The following HMGA2 variants were observed in gnomAD, a reference collection of about 807,000 sequenced individuals.
HMGA2 encodes high mobility group AT-hook 2.
Under a neutral mutation model 19.1 loss-of-function variants are expected in HMGA2, and 8 were observed. The observed-to-expected ratio is 0.42, with a 90% CI of 0.25 to 0.76. The LOEUF (loss-of-function observed/expected upper bound fraction) is 0.76, where lower values mean the gene tolerates loss of function less well. Among genes scored for constraint, HMGA2 ranks in the 30% least tolerant of loss-of-function variants. The pLI, the probability that HMGA2 is intolerant of heterozygous loss-of-function variation, is 0.28. For synonymous variants in HMGA2, 60 were observed against 48.8 expected (o/e 1.23, Z -0.96); for missense variants, 109 against 136.3 (o/e 0.80, Z 1.00).
intron 3 of HMGA2, chr12:65,914,644 T>TA (rs541291610): frequency 9.7e-4 from 274 of 282,354 alleles, no homozygotes; most frequent in Admixed American, 1.8e-3. Context: ...AAAGTATAAT[T>TA]AAAAAAAAAT....
intron 3 of HMGA2, among the ~76,000 whole-genome samples, chr12:65,890,643 A>G (rs1424472060): frequency 6.6e-6 from 1 of 152,122 alleles, no homozygotes; most frequent in African/African-American, 2.4e-5. Context: ...CAGCTTTCAG[A>G]TAGACCTGAA....
chr12:65,938,916 A>T (rs1379856211), intron 3 of HMGA2, among the ~76,000 whole-genome samples: 1 of 151,916 alleles, frequency 6.6e-6, no homozygotes, highest in African/African-American at 2.4e-5. Flanking sequence ...CTCTCACCTC[A>T]TCCTCCCAAG....
In HMGA2 at chr12:65,964,341, T is replaced by C. The variant is rs7312910; in HGVS notation, c.*1049T>C. 2.9e-5 allele frequency: 4 copies of C among 139,450 alleles called. No individual in the cohort carries two copies. Among genetic ancestry groups the C allele is most frequent in the East Asian group, 6.9e-4 (1 of 1,458 alleles). 8.6% of individuals were successfully genotyped at this position (139,450 alleles called of 1,614,324 possible). On this transcript the variant is annotated 3_prime_UTR_variant, in exon 5 of 5. Coordinates refer to ENST00000403681, the MANE Select transcript of HMGA2 (RefSeq NM_003483.6). ...TCTCTGTGTCTTTCTCTCTCTCTCT[T>C]CCTCTCCCTCTCTCTTTTCATTGTG...
intron 4 of HMGA2, chr12:65,955,421 A>T (rs988620637): frequency 2.6e-5 from 4 of 152,148 alleles, no homozygotes; most frequent in East Asian, 3.9e-4. Flanking sequence ...TGTCTAAAAA[A>T]GTTTCGCTAG....
At chr12:65,872,845 A>T (rs749808803) in intron 3 of HMGA2, among the ~76,000 whole-genome samples, 7 of 152,178 alleles carry the variant, frequency 4.6e-5, no homozygotes, top group Non-Finnish European at 5.9e-5. Context: ...AGGAAGTCTG[A>T]ACTTCTTATG....
chr12:65,830,024 TC>T (rs1870408411), intron 2 of HMGA2, among the ~76,000 whole-genome samples: 1 of 152,012 alleles, frequency 6.6e-6, no homozygotes, highest in Non-Finnish European at 1.5e-5. Flanking sequence ...TTCTAAAGAT[TC>T]CTTCTCCAGA....
intron 3 of HMGA2, among the ~76,000 whole-genome samples, chr12:65,848,530 C>A (rs1396024993): frequency 6.6e-6 from 1 of 152,182 alleles, no homozygotes; most frequent in Non-Finnish European, 1.5e-5. Context: ...GTAAGTACTT[C>A]AGTTAGAATA....
intron 3 of HMGA2, among the ~76,000 whole-genome samples, chr12:65,839,649 G>T (rs1217861652): frequency 2.6e-5 from 4 of 152,062 alleles, no homozygotes; most frequent in African/African-American, 9.7e-5. Flanking sequence ...ATAAGGAAAT[G>T]GGATGATCTT....
At chr12:65,851,252 G>A (rs1405738953) in intron 3 of HMGA2, 1 of 154,392 alleles carries the variant, frequency 6.5e-6, no homozygotes, top group Non-Finnish European at 1.4e-5. Flanking sequence ...AGTGGCTCAG[G>A]CCTGTAATTC....
intron 3 of HMGA2, among the ~76,000 whole-genome samples, chr12:65,872,565 A>G (rs1872763888): frequency 1.3e-5 from 2 of 152,122 alleles, no homozygotes; most frequent in African/African-American, 2.4e-5. Flanking sequence ...TCCATTTTCA[A>G]CATTTGCAAA....
chr12:65,836,380 GA>G (rs1349584299), intron 2 of HMGA2, among the ~76,000 whole-genome samples: 1 of 146,912 alleles, frequency 6.8e-6, no homozygotes, highest in Admixed American at 6.7e-5. Flanking sequence ...AAAAAAAAAA[GA>G]AAAACTCCCT....
chr12:65,875,949 A>AT (rs973488385), intron 3 of HMGA2, among the ~76,000 whole-genome samples: 77 of 152,012 alleles, frequency 5.1e-4, no homozygotes, highest in African/African-American at 1.7e-3. Context: ...TTAGAATCTG[A>AT]TTTTTTTTAA....
intron 3 of HMGA2, chr12:65,915,362 A>G (rs967082800): frequency 9.0e-6 from 12 of 1,336,594 alleles, no homozygotes; most frequent in Non-Finnish European, 1.2e-5. Flanking sequence ...GAATTTGAAA[A>G]AAGTACTCAC....
chr12:65,889,016 T>A (rs1873793170), intron 3 of HMGA2, among the ~76,000 whole-genome samples: 1 of 152,154 alleles, frequency 6.6e-6, no homozygotes, highest in Non-Finnish European at 1.5e-5. Context: ...AGGAAGGATA[T>A]ATGCTTGATA....
chr12:65,964,120 C>T lies in HMGA2; in HGVS notation c.*828C>T. On this transcript the variant is annotated 3_prime_UTR_variant, in exon 5 of 5. Coordinates refer to ENST00000403681, the MANE Select transcript of HMGA2 (RefSeq NM_003483.6). ...CAAAATGCCATTTAGCAATAAATAACACTTGTCAGCCTCAGAGCATTTAAG... is the reference window on the plus strand; with the variant it reads ...CAAAATGCCATTTAGCAATAAATAATACTTGTCAGCCTCAGAGCATTTAAG... 4.9e-6 allele frequency: 1 copy of T among 204,276 alleles called. No individual in the cohort carries two copies. 12.7% of individuals were successfully genotyped at this position (204,276 alleles called of 1,614,324 possible).
chr12:65,904,284 G>A (rs1484904600), intron 3 of HMGA2, among the ~76,000 whole-genome samples: 1 of 152,228 alleles, frequency 6.6e-6, no homozygotes, highest in Non-Finnish European at 1.5e-5. Flanking sequence ...CAGTCACCCA[G>A]TCTACCTCTA....
chr12:65,883,848 G>A (rs923946239), intron 3 of HMGA2, among the ~76,000 whole-genome samples: 3 of 152,272 alleles, frequency 2.0e-5, no homozygotes, highest in South Asian at 4.2e-4. Context: ...ATTGAAAACT[G>A]GGAAAAATAA....
At chr12:65,860,798 G>C (rs1872019830) in intron 3 of HMGA2, among the ~76,000 whole-genome samples, 1 of 152,178 alleles carries the variant, frequency 6.6e-6, no homozygotes, top group Non-Finnish European at 1.5e-5. Context: ...TCAGTACTTA[G>C]AGACATAAAT....
chr12:65,850,511 C>T lies in HMGA2; in HGVS notation c.249+11942C>T, dbSNP rs151301460. Reference sequence around the variant, plus strand: ...TTACATAGTCACAGTATGAAGAGACCGAATTTTTTTTTTTTTTTACTAAAA... The same window carrying T: ...TTACATAGTCACAGTATGAAGAGACTGAATTTTTTTTTTTTTTTACTAAAA... On this transcript the variant is annotated intron_variant, in intron 3 of 4. Transcript: ENST00000403681. 3.3e-5 allele frequency among the ~76,000 whole-genome samples: 5 copies of T among 150,264 alleles called. No individual in the cohort carries two copies. The East Asian group carries it at 9.7e-4, about 29-fold the overall frequency.
Sources: gnomAD v4.1 joint callset for allele counts (sites outside exome capture counted in the v4.1 genomes callset) on GRCh38, gnomAD v4.1.1 for gene constraint, MANE v1.5 for transcripts, NCBI Gene and HGNC (gene_info 2026-07-23, HGNC 2026-07-21) for gene names.